Variants in TGFBRAP1 observed in about 807,000 individuals in gnomAD.
The protein encoded by TGFBRAP1 is transforming growth factor-beta receptor-associated protein 1.
In TGFBRAP1, 20 loss-of-function variants were observed where a neutral mutation model predicts 83.2. The ratio of observed to expected loss-of-function variants is 0.24; its 90% CI spans 0.17 to 0.35. The LOEUF (loss-of-function observed/expected upper bound fraction) is 0.35, where lower values mean the gene tolerates loss of function less well. Among genes scored for constraint, TGFBRAP1 ranks in the 10% least tolerant of loss-of-function variants. The probability of loss-of-function intolerance (pLI) is 1.00; values close to 1 mark genes in which losing one functional copy is unlikely to be tolerated. For missense variants in TGFBRAP1, 950 were observed against 1,099.4 expected (o/e 0.86, Z 1.92); for synonymous variants, 415 against 459.8 (o/e 0.90, Z 1.25).
intron 1 of TGFBRAP1, among the ~76,000 whole-genome samples, chr2:105,309,681 C>T (rs997699988): frequency 2.6e-5 from 4 of 152,170 alleles, no homozygotes; most frequent in Non-Finnish European, 2.9e-5. Flanking sequence ...GAGGATACCC[C>T]AGGGTTGAGG....
Position 105,280,517 on chromosome 2 carries a change from C to T in TGFBRAP1, c.1328G>A (p.Gly443Asp). 1.2e-6 allele frequency: 2 copies of T among 1,614,184 alleles called. No individual in the cohort carries two copies. Among genetic ancestry groups the T allele is most frequent in the Non-Finnish European group, 1.7e-6 (2 of 1,180,042 alleles). Residue 443 changes from glycine (G) to aspartate (D), a missense_variant, in exon 6 of 12, where the codon GGC becomes GAC. Transcript: ENST00000393359. ...NEVRSTEVAN[G>D]YKEDIDTALL... ...GGCTGTGTCGATGTCCTCCTTGTAG[C>T]CATTTGCTACCTCTGTGCTGCGGAC... is the stretch of plus-strand genomic sequence containing the variant.
chr2:105,296,816 T>C (rs1678107578), intron 3 of TGFBRAP1, among the ~76,000 whole-genome samples: 2 of 146,192 alleles, frequency 1.4e-5, no homozygotes, highest in South Asian at 2.2e-4. Flanking sequence ...AAAATCAGTG[T>C]AGTAAACGCA....
downstream of TGFBRAP1, among the ~76,000 whole-genome samples, chr2:105,262,703 G>C (rs929336440): frequency 6.6e-6 from 1 of 152,148 alleles, no homozygotes; most frequent in Non-Finnish European, 1.5e-5. Context: ...GTTGAGTTGC[G>C]TGCGTTGCTT....
In TGFBRAP1 at chr2:105,283,442, T is replaced by A. The variant is rs547164353; in HGVS notation, c.1121+874A>T. Among the ~76,000 whole-genome samples the A allele has an allele frequency of 6.5e-4, 99 of 152,330 alleles. 2 individuals are homozygous for A. The highest frequency in any genetic ancestry group is 2.2e-3 in the African/African-American group (92 of 41,586). Reference sequence around the variant, plus strand: ...GGAGGCATTCTGCTCAAGTCACTACTTGGATGAAAATATCTATTCAGGGGC... The same window carrying A: ...GGAGGCATTCTGCTCAAGTCACTACATGGATGAAAATATCTATTCAGGGGC... On this transcript the variant is annotated intron_variant, in intron 5 of 11. Coordinates refer to ENST00000393359, the MANE Select transcript of TGFBRAP1 (RefSeq NM_004257.6).
intron 2 of TGFBRAP1, among the ~76,000 whole-genome samples, chr2:105,303,452 G>A (rs1165306615): frequency 6.6e-6 from 1 of 152,144 alleles, no homozygotes; most frequent in African/African-American, 2.4e-5. Flanking sequence ...GGAATATCCT[G>A]AAACTCAAGG....
intron 2 of TGFBRAP1, among the ~76,000 whole-genome samples, chr2:105,301,355 C>T (rs1283273621): frequency 7.9e-5 from 12 of 152,212 alleles, no homozygotes; most frequent in South Asian, 4.1e-4. Flanking sequence ...GAGGCTGAGG[C>T]GGGTGGATCA....
At chr2:105,316,474 C>CGT (rs1678877015) in intron 1 of TGFBRAP1, among the ~76,000 whole-genome samples, 9 of 70,482 alleles carry the variant, frequency 1.3e-4, no homozygotes, top group African/African-American at 3.7e-4. Flanking sequence ...CGCGCGCGCG[C>CGT]GCGCGCACGC....
chr2:105,304,770 G>A (rs1028926417), intron 2 of TGFBRAP1, among the ~76,000 whole-genome samples: 5 of 152,222 alleles, frequency 3.3e-5, no homozygotes, highest in East Asian at 1.9e-4. Flanking sequence ...GCGACAGAGC[G>A]AGACTCCGTT....
rs922925250 is a variant in TGFBRAP1, at chr2:105,267,301, G to C, written c.*82C>G. 2 of 1,559,702 alleles carry C rather than the reference G, an allele frequency of 1.3e-6. No individual in the cohort carries two copies. Among genetic ancestry groups the C allele is most frequent in the African/African-American group, 1.4e-5 (1 of 73,530 alleles). ...GTCTCCCTTCGTCCTGGCTGACACA[G>C]AGCATGGTGGTCATCTGCTCTTCAT... On this transcript the variant is annotated 3_prime_UTR_variant, in exon 12 of 12. Coordinates refer to ENST00000393359, the MANE Select transcript of TGFBRAP1 (RefSeq NM_004257.6).
chr2:105,282,139 C>T (rs1677558173), intron 5 of TGFBRAP1, among the ~76,000 whole-genome samples: 1 of 152,200 alleles, frequency 6.6e-6, no homozygotes, highest in African/African-American at 2.4e-5. Flanking sequence ...CAGAGCAGCA[C>T]CTGTGCTGCA....
chr2:105,267,956 G>A, intron 11 of TGFBRAP1: 1 of 885,864 alleles, frequency 1.1e-6, no homozygotes, highest in Non-Finnish European at 1.4e-6. Context: ...AATAAGAAAA[G>A]TAAAGCACAA....
At chr2:105,285,747 C>T (rs1280979952) in intron 4 of TGFBRAP1, among the ~76,000 whole-genome samples, 3 of 152,246 alleles carry the variant, frequency 2.0e-5, no homozygotes, top group South Asian at 2.1e-4. Flanking sequence ...AACCATTCCT[C>T]ACCTACTTCC....
chr2:105,307,913 C>T lies in TGFBRAP1; in HGVS notation c.389G>A (p.Ser130Asn), dbSNP rs780746226. 10 of 1,614,248 alleles carry T rather than the reference C, an allele frequency of 6.2e-6. No individual in the cohort carries two copies. Among genetic ancestry groups the T allele is most frequent in the Non-Finnish European group, 8.5e-6 (10 of 1,180,042 alleles). The change falls in exon 2 of 12, where the codon AGT (serine) becomes AAT (asparagine). Residue 130 changes from serine to asparagine, a missense_variant. By Grantham distance (46) the Ser-to-Asn change is conservative. Coordinates refer to ENST00000393359, the MANE Select transcript of TGFBRAP1 (RefSeq NM_004257.6). ...ATFALNENPV[S>N]GDPFCVEVCI... ...AACTTCTACACAGAAGGGGTCCCCA[C>T]TCACAGGGTTCTCGTTCAGTGCAAA... is the stretch of plus-strand genomic sequence containing the variant.
intron 4 of TGFBRAP1, among the ~76,000 whole-genome samples, chr2:105,290,738 C>T (rs1378151631): frequency 1.3e-5 from 2 of 151,932 alleles, no homozygotes; most frequent in Admixed American, 1.3e-4. Flanking sequence ...GGCAAGGTGG[C>T]TCACACCTGT....
At position 105,316,466 on chromosome 2, in the gene TGFBRAP1, C is replaced by A. The variant is rs911589003; in HGVS notation, c.-17-8148G>T. ...GTGTGTGTGTGTGTGTGTGTGTGCG[C>A]GCGCGCGCGCGCGCACGCGCACATA... On this transcript the variant is annotated intron_variant, in intron 1 of 11. Transcript: ENST00000393359. Among the ~76,000 whole-genome samples, 133 of 67,518 alleles carry A rather than the reference C, an allele frequency of 2.0e-3. 1 individual carries two copies. The highest frequency in any genetic ancestry group is 2.7e-3 in the Non-Finnish European group (85 of 31,992). 44.3% of individuals were successfully genotyped at this position (67,518 alleles called of 152,430 possible). A position where few individuals can be genotyped will look rare whatever the true frequency, so the allele number is the denominator to read the frequency against.
downstream of TGFBRAP1, among the ~76,000 whole-genome samples, chr2:105,260,627 G>A (rs1397560792): frequency 6.6e-6 from 1 of 152,100 alleles, no homozygotes; most frequent in East Asian, 1.9e-4. Context: ...ATGGGGACAG[G>A]GTTTCTGTTC....
At chr2:105,290,285 T>C (rs934710) in intron 4 of TGFBRAP1, among the ~76,000 whole-genome samples, 23,875 of 152,184 alleles carry the variant, frequency 0.16, 2,375 homozygotes, top group East Asian at 0.51. Flanking sequence ...CAGGCTGGTC[T>C]GGAACTCATG....
chr2:105,307,713 C>G lies in TGFBRAP1; in HGVS notation c.589G>C (p.Val197Leu). ...CAGTAGGGAAACAGGTCCTGGGAGA[C>G]GCCTGTGCTGTAATTGTGGATGATG... Reference protein sequence around the residue: ...QYIIHNYSTGVSQDLFPYCSE... With the variant: ...QYIIHNYSTGLSQDLFPYCSE... The change falls in exon 2 of 12, where the codon GTC becomes CTC. Residue 197 changes from valine to leucine, a missense_variant. Coordinates refer to ENST00000393359, the MANE Select transcript of TGFBRAP1 (RefSeq NM_004257.6). The G allele has an allele frequency of 1.2e-6, 2 of 1,614,142 alleles. No individual in the cohort carries two copies. The highest frequency in any genetic ancestry group is 1.7e-6 in the Non-Finnish European group (2 of 1,180,026).
At chr2:105,258,880 C>T in the TGFBRAP1 span, among the ~76,000 whole-genome samples, 3 of 152,156 alleles carry the variant, frequency 2.0e-5, no homozygotes, top group East Asian at 1.9e-4. Flanking sequence ...CCTTCCCTGT[C>T]GGTTGCTGCT....
Sources: allele counts gnomAD v4.1 joint callset (sites outside exome capture counted in the v4.1 genomes callset), GRCh38; gene constraint gnomAD v4.1.1; transcripts MANE v1.5; gene names NCBI Gene and HGNC (gene_info 2026-07-23, HGNC 2026-07-21).